RNF24: variants seen among roughly 807,000 people sequenced by gnomAD.
RNF24 encodes ring finger protein 24.
A neutral mutation model predicts 20.0 loss-of-function variants in RNF24; 14 were observed. That is an observed-to-expected ratio of 0.70 (90% confidence interval 0.46 to 1.10). The LOEUF (loss-of-function observed/expected upper bound fraction) is 1.10. Ranked by LOEUF, RNF24 falls within the 50% of genes least tolerant of loss-of-function variation. The pLI is 0.00. For synonymous variants in RNF24, 45 were observed against 61.1 expected (o/e 0.74, Z 1.23); for missense variants, 124 against 177.6 (o/e 0.70, Z 1.71).
intron 3 of RNF24, among the ~76,000 whole-genome samples, chr20:3,945,597 C>T (rs1339133096): frequency 2.0e-5 from 3 of 152,164 alleles, no homozygotes; most frequent in East Asian, 3.9e-4. Context: ...TGCCTATAAT[C>T]CCAGCTACTC....
chr20:3,934,964 C>G lies in RNF24; in HGVS notation c.308+30G>C. The G allele has an allele frequency of 6.3e-7, 1 of 1,591,046 alleles. No homozygotes were observed. ...TGGTTGATGTGCCTCAAACTCGGGTCCCATTAAGTAATTCCATACCAATAC... is the reference window on the plus strand; with the variant it reads ...TGGTTGATGTGCCTCAAACTCGGGTGCCATTAAGTAATTCCATACCAATAC... On this transcript the variant is annotated intron_variant, in intron 5 of 5. Transcript: ENST00000358395. The surrounding 1 kb of genome is among the most constrained non-coding windows in gnomAD (Gnocchi z 4.0).
At chr20:3,988,327 AAAAT>A (rs1980110730) in intron 1 of RNF24, among the ~76,000 whole-genome samples, 1 of 152,270 alleles carries the variant, frequency 6.6e-6, no homozygotes. Flanking sequence ...TTGTCTCAAA[AAAAT>A]AAATAAATAA....
chr20:3,954,239 C>A (rs957153384), intron 2 of RNF24, among the ~76,000 whole-genome samples: 2 of 152,154 alleles, frequency 1.3e-5, no homozygotes, highest in African/African-American at 4.8e-5. Flanking sequence ...ACTGATCACT[C>A]CCCATTACCC....
At chr20:3,970,252 CCCCATGTCAATAAAGGCTAAATAGGG>C (rs2091301397) in intron 1 of RNF24, among the ~76,000 whole-genome samples, 1 of 152,126 alleles carries the variant, frequency 6.6e-6, no homozygotes, top group Non-Finnish European at 1.5e-5. Flanking sequence ...CGTCCCCGCC[CCCCATGTCAATAAAGGCTAAATAGGG>C]AACCTGGACT....
intron 1 of RNF24, among the ~76,000 whole-genome samples, chr20:3,987,674 A>G (rs925445073): frequency 1.3e-5 from 2 of 152,222 alleles, no homozygotes; most frequent in African/African-American, 4.8e-5. Context: ...GTTTCCATGA[A>G]AAGAATCCCA....
intron 4 of RNF24, among the ~76,000 whole-genome samples, chr20:3,943,939 G>A (rs2090986703): frequency 2.6e-5 from 4 of 152,246 alleles, no homozygotes; most frequent in African/African-American, 4.8e-5. Context: ...GCCGGCTGCC[G>A]TGGCTCACGC....
At chr20:3,952,347 GA>G (rs1004084040) in intron 2 of RNF24, among the ~76,000 whole-genome samples, 2 of 151,772 alleles carry the variant, frequency 1.3e-5, no homozygotes, top group Non-Finnish European at 2.9e-5. Context: ...AAATAGTGTT[GA>G]AAAAAATCTT....
intron 1 of RNF24, among the ~76,000 whole-genome samples, chr20:4,013,534 G>T (rs1239006448): frequency 4.6e-5 from 7 of 152,140 alleles, no homozygotes; most frequent in Non-Finnish European, 1.0e-4. Context: ...AGGCTGGAAT[G>T]CAATGGCGCG....
chr20:3,943,990 A>G (rs907991885), intron 4 of RNF24, among the ~76,000 whole-genome samples: 1 of 152,074 alleles, frequency 6.6e-6, no homozygotes, highest in Non-Finnish European at 1.5e-5. Context: ...TGGGTGGATT[A>G]CGTGAGGTCA....
chr20:3,939,984 G>A (rs2090935995), intron 4 of RNF24, among the ~76,000 whole-genome samples: 1 of 151,824 alleles, frequency 6.6e-6, no homozygotes, highest in African/African-American at 2.4e-5. Flanking sequence ...TTGAGGTGGA[G>A]TTTCGCTTTT....
At position 3,927,733 on chromosome 20, in the gene RNF24, G is replaced by A. The variant is rs2090745050; in HGVS notation, c.*6330C>T. On this transcript the variant is annotated 3_prime_UTR_variant, in exon 6 of 6. Coordinates refer to ENST00000358395, the MANE Select transcript of RNF24 (RefSeq NM_001134337.3). ...CCCGACCGGGGGCCTGGGAGGGAAG[G>A]GCAGATGGAGAGGAACGGTGTGCAG... The A allele has an allele frequency of 6.6e-6, 1 of 152,258 alleles. No homozygotes were observed. Among genetic ancestry groups the A allele is most frequent in the Non-Finnish European group, 1.5e-5 (1 of 68,082 alleles). 9.4% of individuals were successfully genotyped at this position (152,258 alleles called of 1,614,324 possible). A position where few individuals can be genotyped will look rare whatever the true frequency, so the allele number is the denominator to read the frequency against.
chr20:3,980,962 T>C, intron 1 of RNF24, among the ~76,000 whole-genome samples: 1 of 136,512 alleles, frequency 7.3e-6, no homozygotes. Flanking sequence ...TTTGTGTGTG[T>C]GTGTTGGGGG....
chr20:3,985,804 A>C (rs1243436800), intron 1 of RNF24, among the ~76,000 whole-genome samples: 2 of 150,796 alleles, frequency 1.3e-5, no homozygotes, highest in Non-Finnish European at 2.9e-5. Flanking sequence ...TCCTGGGTTC[A>C]AGCGAATTCT....
intron 1 of RNF24, among the ~76,000 whole-genome samples, chr20:4,008,553 TA>T (rs1326970150): frequency 1.3e-3 from 156 of 124,238 alleles, no homozygotes; most frequent in Middle Eastern, 7.4e-3. Context: ...TATATATATA[TA>T]TATTTTTTTT....
chr20:3,987,136 T>C (rs1399025002), intron 1 of RNF24, among the ~76,000 whole-genome samples: 4 of 152,146 alleles, frequency 2.6e-5, no homozygotes, highest in Admixed American at 2.0e-4. Flanking sequence ...GATTCATTGT[T>C]TTTTGATTAA....
chr20:3,967,009 T>C lies in RNF24; in HGVS notation c.-7-2985A>G, dbSNP rs181766990. Among the ~76,000 whole-genome samples the C allele has an allele frequency of 2.0e-5, 3 of 152,286 alleles. No homozygotes were observed. The East Asian group carries it at 5.8e-4, about 29-fold the overall frequency. ...TTGATGCGAATATATTTTAGGAATT[T>C]TTCTCTCTTTGTTTTAGTAAATAAA... On this transcript the variant is annotated intron_variant, in intron 1 of 5. Coordinates refer to ENST00000358395, the MANE Select transcript of RNF24 (RefSeq NM_001134337.3).
At chr20:3,975,825 G>C (rs1425760242) in intron 1 of RNF24, among the ~76,000 whole-genome samples, 4 of 151,982 alleles carry the variant, frequency 2.6e-5, no homozygotes, top group Non-Finnish European at 5.9e-5. Flanking sequence ...CAGAAGAGAG[G>C]CATGAACAAA....
At chr20:4,004,815 T>C (rs1011523626) in intron 1 of RNF24, among the ~76,000 whole-genome samples, 32 of 152,322 alleles carry the variant, frequency 2.1e-4, no homozygotes, top group African/African-American at 7.7e-4. Context: ...ATAGTAATTG[T>C]GTTACAGCAA....
chr20:3,934,203 T>C lies in RNF24; in HGVS notation c.309-2A>G. The C allele has an allele frequency of 6.2e-7, 1 of 1,605,700 alleles. No homozygotes were observed. The highest frequency in any genetic ancestry group is 8.5e-7 in the Non-Finnish European group (1 of 1,175,876). Reference sequence around the variant, plus strand: ...ACCTCCAGCCACTTAATAAGGCACCTGCAGAAGGAGACACCACAGGGGGAA... The same window carrying C: ...ACCTCCAGCCACTTAATAAGGCACCCGCAGAAGGAGACACCACAGGGGGAA... On this transcript the variant is annotated splice_acceptor_variant, in intron 5 of 5. Transcript: ENST00000358395. LOFTEE classifies it high-confidence loss of function. This position sits in a 1 kb window ranked among gnomAD's most constrained non-coding sequence, Gnocchi z 4.0.
Sources: allele counts gnomAD v4.1 joint callset (sites outside exome capture counted in the v4.1 genomes callset), GRCh38; gene constraint gnomAD v4.1.1; non-coding constraint Gnocchi (gnomAD v3.1); transcripts MANE v1.5; gene names NCBI Gene and HGNC (gene_info 2026-07-23, HGNC 2026-07-21).